The following SUB1 variants were observed in gnomAD, a reference collection of about 807,000 sequenced individuals.
The protein encoded by SUB1 is activated RNA polymerase II transcriptional coactivator p15.
Under a neutral mutation model 16.9 loss-of-function variants are expected in SUB1, and 1 was observed. The observed-to-expected ratio is 0.06, with a 90% CI of 0.02 to 0.28. The LOEUF (loss-of-function observed/expected upper bound fraction) is 0.28, where lower values mean the gene tolerates loss of function less well. SUB1 is among the 10% of genes least tolerant of loss of function. The pLI is 1.00. For missense variants in SUB1, 84 were observed against 145.2 expected (o/e 0.58, Z 2.16); for synonymous variants, 51 against 46.9 (o/e 1.09, Z -0.36).
chr5:32,600,853 C>T, intron 4 of SUB1, 152 bp from the exon 5 acceptor site: 1 of 600,362 alleles, frequency 1.7e-6, no homozygotes, highest in African/African-American at 1.9e-5. Flanking sequence ...GATCCACCCG[C>T]CTTGGCCTCC....
At chr5:32,595,479 T>G (rs891853832) in intron 3 of SUB1, 3 of 152,276 alleles carry the variant, frequency 2.0e-5, no homozygotes, top group African/African-American at 7.2e-5. Context: ...GTGTTGAGAT[T>G]AGTTCTTGTT....
At chr5:32,598,300 A>C (rs1739028639) in intron 3 of SUB1, 1 of 152,164 alleles carries the variant, frequency 6.6e-6, no homozygotes, top group African/African-American at 2.4e-5. Flanking sequence ...TATAGGACTC[A>C]TGGTGTTATT....
At chr5:32,600,278 T>C (rs1190819546) in intron 4 of SUB1, among the ~76,000 whole-genome samples, 1 of 152,216 alleles carries the variant, frequency 6.6e-6, no homozygotes, top group African/African-American at 2.4e-5. Flanking sequence ...CAAAGTGAAA[T>C]GAATGCTTCT....
At chr5:32,597,480 T>G (rs1193452207) in intron 3 of SUB1, 3 of 152,262 alleles carry the variant, frequency 2.0e-5, no homozygotes, top group African/African-American at 7.2e-5. Flanking sequence ...TTTGTGTTGT[T>G]TCCACTTCTT....
At position 32,601,796 on chromosome 5, in the gene SUB1, C is replaced by G. The variant is rs1358195190; in HGVS notation, c.*712C>G. Reference sequence around the variant, plus strand: ...AAAACTGAGCAGGTGTTTGTTTACCCATAGTGTTCTGTGTAGTTATTGCTT... The same window carrying G: ...AAAACTGAGCAGGTGTTTGTTTACCGATAGTGTTCTGTGTAGTTATTGCTT... On this transcript the variant is annotated 3_prime_UTR_variant, in exon 5 of 5. Transcript: ENST00000265073. The G allele has an allele frequency of 6.4e-6, 1 of 155,230 alleles. No individual in the cohort carries two copies. The highest frequency in any genetic ancestry group is 1.4e-5 in the Non-Finnish European group (1 of 69,920). 9.6% of individuals were successfully genotyped at this position (155,230 alleles called of 1,614,324 possible). A position where few individuals can be genotyped will look rare whatever the true frequency, so the allele number is the denominator to read the frequency against.
chr5:32,586,951 A>G (rs1035117435), intron 1 of SUB1, among the ~76,000 whole-genome samples: 1 of 152,212 alleles, frequency 6.6e-6, no homozygotes, highest in Non-Finnish European at 1.5e-5. Context: ...ATGCAATGTC[A>G]GTGCTAATGC....
In SUB1 at chr5:32,588,492, G is replaced by A. The variant is rs1327850395; in HGVS notation, c.-1-20G>A. On this transcript the variant is annotated intron_variant, in intron 1 of 4. Coordinates refer to ENST00000265073, the MANE Select transcript of SUB1 (RefSeq NM_006713.4). ...GTAGAGTACCTTATTAATTATTTTT[G>A]TAATGTATTTTTCTTTCAGGATGCC... 11 of 1,604,694 alleles carry A rather than the reference G, an allele frequency of 6.9e-6. No homozygotes were observed. The highest frequency in any genetic ancestry group is 2.2e-5 in the East Asian group (1 of 44,734).
At chr5:32,586,733 AAACTT>A (rs1203952726) in intron 1 of SUB1, among the ~76,000 whole-genome samples, 1 of 152,248 alleles carries the variant, frequency 6.6e-6, no homozygotes, top group Admixed American at 6.5e-5. Context: ...TTAGCATAAA[AAACTT>A]AACTAAATTG....
chr5:32,600,450 T>C (rs933226370), intron 4 of SUB1, among the ~76,000 whole-genome samples: 2 of 152,344 alleles, frequency 1.3e-5, no homozygotes, highest in South Asian at 2.1e-4. Context: ...CAAACCCTTA[T>C]TTATTCTCAT....
intron 3 of SUB1, chr5:32,594,735 G>A (rs1200027332): frequency 3.4e-6 from 1 of 292,926 alleles, no homozygotes. Context: ...AGGGATCTAG[G>A]TTGTGCGTTC....
intron 3 of SUB1, 136 bp from the exon 4 acceptor site, chr5:32,598,825 T>TTG (rs1415489180): frequency 1.5e-6 from 1 of 657,098 alleles, no homozygotes; most frequent in Non-Finnish European, 2.6e-6. Context: ...CAGAGCCATG[T>TTG]TGTTCAAGGG....
intron 3 of SUB1, 140 bp downstream of exon 3, chr5:32,591,825 G>A (rs1181607655): frequency 2.4e-5 from 24 of 1,009,220 alleles, no homozygotes; most frequent in Admixed American, 2.3e-4. Context: ...TCAGCCTCCC[G>A]AGTAGCTAGG....
rs932340932 is a variant in SUB1 at position 32,603,199 on chromosome 5, T to C, written c.*2115T>C. On this transcript the variant is annotated 3_prime_UTR_variant, in exon 5 of 5. Coordinates refer to ENST00000265073, the MANE Select transcript of SUB1 (RefSeq NM_006713.4). Reference sequence around the variant, plus strand: ...TTTAAATGTGTTACTGGATATGCAGTATACTGAAATTATTAATCAGTTTGT... The same window carrying C: ...TTTAAATGTGTTACTGGATATGCAGCATACTGAAATTATTAATCAGTTTGT... 43 of 152,188 alleles carry C rather than the reference T, an allele frequency of 2.8e-4. No individual in the cohort carries two copies. The highest frequency in any genetic ancestry group is 9.9e-4 in the African/African-American group (41 of 41,466). The allele number at this position is 152,188 out of a possible 1,614,324, so 9.4% of individuals were successfully genotyped here.
chr5:32,595,703 G>C (rs570097656), intron 3 of SUB1: 2 of 152,200 alleles, frequency 1.3e-5, no homozygotes, highest in Non-Finnish European at 2.9e-5. Context: ...GGGTAAATGT[G>C]TAACTGTATA....
In SUB1 at chr5:32,591,612, A is replaced by G. The variant is rs756116346; in HGVS notation, c.122A>G (p.Lys41Arg). The G allele has an allele frequency of 6.2e-7, 1 of 1,611,078 alleles. No homozygotes were observed. The highest frequency in any genetic ancestry group is 1.1e-5 in the South Asian group (1 of 90,260). ...VAPEKPVKKQ[K>R]TGETSRALSS... ...CCAGAAAAACCTGTAAAGAAACAAA[A>G]GACAGGTGAGACTTCGAGAGCCCTG... The change falls in exon 3 of 5, where the codon AAG becomes AGG. Residue 41 changes from lysine to arginine, a missense_variant. By Grantham distance (26) the Lys-to-Arg change is conservative (BLOSUM62 2). This residue lies in a region of SUB1 where 60 missense variants were observed against 64.9 expected (regional missense o/e 0.92). Coordinates refer to ENST00000265073, the MANE Select transcript of SUB1 (RefSeq NM_006713.4).
chr5:32,589,483 C>T (rs911222983), intron 2 of SUB1, among the ~76,000 whole-genome samples: 1 of 152,208 alleles, frequency 6.6e-6, no homozygotes, highest in Non-Finnish European at 1.5e-5. Flanking sequence ...TAAGTTTGTA[C>T]TAAGTTTGTG....
intron 3 of SUB1, among the ~76,000 whole-genome samples, chr5:32,592,135 A>T (rs1392023368): frequency 2.0e-5 from 3 of 152,270 alleles, no homozygotes; most frequent in Non-Finnish European, 4.4e-5. Context: ...AAAATAGAAC[A>T]AACTAGTAAA....
In SUB1 at chr5:32,602,535, A is replaced by C; in HGVS notation, c.*1451A>C. On this transcript the variant is annotated 3_prime_UTR_variant, in exon 5 of 5. Coordinates refer to ENST00000265073, the MANE Select transcript of SUB1 (RefSeq NM_006713.4). ...TTGCACTATTTTGCTACCAAGTTTG[A>C]TTCATACATCTAAAACATTTTGTAG... 5.9e-6 allele frequency: 1 copy of C among 170,732 alleles called. No individual in the cohort carries two copies. The highest frequency in any genetic ancestry group is 1.3e-5 in the Non-Finnish European group (1 of 78,276). The allele number at this position is 170,732 out of a possible 1,614,324, so 10.6% of individuals were successfully genotyped here. A position where few individuals can be genotyped will look rare whatever the true frequency, so the allele number is the denominator to read the frequency against.
At chr5:32,590,519 A>C (rs1738793122) in intron 2 of SUB1, among the ~76,000 whole-genome samples, 1 of 151,308 alleles carries the variant, frequency 6.6e-6, no homozygotes, top group African/African-American at 2.4e-5. Context: ...GTAATGAGGA[A>C]GTTCTTGAGT....
Sources: allele counts gnomAD v4.1 joint callset (sites outside exome capture counted in the v4.1 genomes callset), GRCh38; gene constraint gnomAD v4.1.1; regional missense constraint gnomAD v4.1.1; transcripts MANE v1.5; gene names NCBI Gene and HGNC (gene_info 2026-07-23, HGNC 2026-07-21).